AGO3: variants seen among roughly 807,000 people sequenced by gnomAD.
AGO3 encodes protein argonaute-3.
Under a neutral mutation model 105.5 loss-of-function variants are expected in AGO3, and 16 were observed. That is an observed-to-expected ratio of 0.15 (90% CI 0.10 to 0.23). AGO3 has a LOEUF of 0.23. Ranked by LOEUF, AGO3 falls within the 10% of genes least tolerant of loss-of-function variation. The pLI, the probability that AGO3 is intolerant of heterozygous loss-of-function variation, is 1.00. For synonymous variants in AGO3, 340 were observed against 367.3 expected, an observed-to-expected ratio of 0.93 and a Z score of 0.85; for missense variants, 534 against 1,088.0, an observed-to-expected ratio of 0.49 and a Z score of 7.16.
intron 14 of AGO3, among the ~76,000 whole-genome samples, chr1:36,037,597 TAAATC>T (rs1642067654): frequency 6.6e-6 from 1 of 152,228 alleles, no homozygotes; most frequent in South Asian, 2.1e-4. Flanking sequence ...ATGAATCTGA[TAAATC>T]TAATTCATCC....
rs1212590203 is a variant in AGO3, at chr1:36,057,480, C to A, written c.*1735C>A. 1 of 151,894 alleles carries A rather than the reference C, an allele frequency of 6.6e-6. No individual in the cohort carries two copies. Among genetic ancestry groups the A allele is most frequent in the African/African-American group, 2.4e-5 (1 of 41,344 alleles). 9.4% of individuals were successfully genotyped at this position (151,894 alleles called of 1,614,324 possible). ...GCAGCATCTTTTATAGAAATATAAT[C>A]ATGTTTATTTTAAGAACTGACAACT... On this transcript the variant is annotated 3_prime_UTR_variant, in exon 19 of 19. Transcript: ENST00000373191.
intron 1 of AGO3, among the ~76,000 whole-genome samples, chr1:35,940,946 A>G (rs72661628): frequency 0.051 from 7,787 of 152,168 alleles, 269 homozygotes; most frequent in South Asian, 0.083. Context: ...TCTCTAATCC[A>G]GTGGTTTTAA....
intron 1 of AGO3, among the ~76,000 whole-genome samples, chr1:35,944,477 T>C (rs1251429834): frequency 6.6e-6 from 1 of 152,084 alleles, no homozygotes; most frequent in Non-Finnish European, 1.5e-5. Flanking sequence ...ACTTCTGTTA[T>C]TAGTTAAGCC....
In AGO3 at chr1:35,931,145, G is replaced by C. The variant is rs901806239; in HGVS notation, c.-282G>C. On this transcript the variant is annotated 5_prime_UTR_variant, in exon 1 of 19. Transcript: ENST00000373191. ...GCCCGCAGTCGTGGAGGAGCGGTGG[G>C]AGCGTCGGCGGCCGCGGGCGATGCA... The C allele has an allele frequency of 1.2e-4, 49 of 397,742 alleles. No homozygotes were observed. The highest frequency in any genetic ancestry group is 9.9e-4 in the African/African-American group (48 of 48,468). 24.6% of individuals were successfully genotyped at this position (397,742 alleles called of 1,614,324 possible).
At chr1:35,936,454 C>T (rs1316721309) in intron 1 of AGO3, among the ~76,000 whole-genome samples, 1 of 152,092 alleles carries the variant, frequency 6.6e-6, no homozygotes, top group Non-Finnish European at 1.5e-5. Context: ...GTTTTGCTCT[C>T]GTCGCCCAGG....
At position 35,938,471 on chromosome 1, in the gene AGO3, G is replaced by A. The variant is rs75826102; in HGVS notation, c.19+7026G>A. On this transcript the variant is annotated intron_variant, in intron 1 of 18. Coordinates refer to ENST00000373191, the MANE Select transcript of AGO3 (RefSeq NM_024852.4). ...CCGTCTGTCCATATATTTATCATACGAATTGTTTCTAACCTTCTTTTTCCA... is the reference window on the plus strand; with the variant it reads ...CCGTCTGTCCATATATTTATCATACAAATTGTTTCTAACCTTCTTTTTCCA... Among the ~76,000 whole-genome samples, 528 of 152,132 alleles carry A rather than the reference G, an allele frequency of 3.5e-3. 2 individuals carry two copies. Among genetic ancestry groups the A allele is most frequent in the Non-Finnish European group, 4.5e-3 (304 of 67,984 alleles).
At chr1:35,988,242 A>G (rs1189334763) in intron 5 of AGO3, among the ~76,000 whole-genome samples, 2 of 152,200 alleles carry the variant, frequency 1.3e-5, no homozygotes, top group African/African-American at 4.8e-5. Flanking sequence ...ATGCATTGTG[A>G]AATGATTACC....
At chr1:35,936,837 G>A (rs1367135634) in intron 1 of AGO3, among the ~76,000 whole-genome samples, 1 of 152,112 alleles carries the variant, frequency 6.6e-6, no homozygotes, top group African/African-American at 2.4e-5. Context: ...CTCCCAAAAT[G>A]CTGGGATTGC....
rs1643127284 is a variant in AGO3, at chr1:36,068,849, T to A, written c.*13104T>A. On this transcript the variant is annotated 3_prime_UTR_variant, in exon 19 of 19. Coordinates refer to ENST00000373191, the MANE Select transcript of AGO3 (RefSeq NM_024852.4). ...TCCCAGTTCCTAGTCAAGCGTGGGCTATAAGAGAGAAGGCTTAAGGTGTTC... is the reference window on the plus strand; with the variant it reads ...TCCCAGTTCCTAGTCAAGCGTGGGCAATAAGAGAGAAGGCTTAAGGTGTTC... 6.6e-6 allele frequency: 1 copy of A among 152,246 alleles called. No homozygotes were observed. The highest frequency in any genetic ancestry group is 1.5e-5 in the Non-Finnish European group (1 of 68,038). 9.4% of individuals were successfully genotyped at this position (152,246 alleles called of 1,614,324 possible). A position where few individuals can be genotyped will look rare whatever the true frequency, so the allele number is the denominator to read the frequency against.
chr1:35,967,160 C>CAT, intron 3 of AGO3, 85 bp downstream of exon 3: 2 of 1,415,866 alleles, frequency 1.4e-6, no homozygotes, highest in Non-Finnish European at 1.9e-6. Flanking sequence ...TATTACAGTC[C>CAT]ATATATATGT....
At chr1:35,997,842 G>T (rs911319977) in intron 5 of AGO3, among the ~76,000 whole-genome samples, 1 of 152,036 alleles carries the variant, frequency 6.6e-6, no homozygotes, top group East Asian at 1.9e-4. Context: ...GATTATACGC[G>T]CCTGCCACCA....
chr1:35,993,738 CTTTTTT>C (rs141978570), intron 5 of AGO3, among the ~76,000 whole-genome samples: 5 of 90,780 alleles, frequency 5.5e-5, no homozygotes, highest in African/African-American at 1.0e-4. Context: ...CCACCCCCTG[CTTTTTT>C]TTTTTTTTTT....
chr1:36,052,892 G>T (rs1399612953), intron 17 of AGO3, among the ~76,000 whole-genome samples: 1 of 152,046 alleles, frequency 6.6e-6, no homozygotes, highest in East Asian at 1.9e-4. Flanking sequence ...GGTGCCTGTA[G>T]TCCCAGCTAC....
In AGO3 at chr1:36,033,330, C is replaced by G. The variant is rs1641865766; in HGVS notation, c.1592-844C>G. Among the ~76,000 whole-genome samples the G allele has an allele frequency of 2.0e-5, 3 of 149,606 alleles. 1 individual carries two copies. Among genetic ancestry groups the G allele is most frequent in the Admixed American group, 2.0e-4 (3 of 15,052 alleles). ...CTACCCTGGGTGACAGAATGTGACT[C>G]CATCTCAAAAAAAAAAAAAGAAGTT... is the stretch of plus-strand genomic sequence containing the variant. On this transcript the variant is annotated intron_variant, in intron 12 of 18. Coordinates refer to ENST00000373191, the MANE Select transcript of AGO3 (RefSeq NM_024852.4).
chr1:35,952,886 T>G (rs1003169753), intron 2 of AGO3, among the ~76,000 whole-genome samples: 7 of 152,236 alleles, frequency 4.6e-5, no homozygotes, highest in Non-Finnish European at 8.8e-5. Context: ...TGCATAACTG[T>G]ACTTTATTCC....
intron 17 of AGO3, among the ~76,000 whole-genome samples, chr1:36,046,425 C>G (rs1642472072): frequency 6.6e-6 from 1 of 151,998 alleles, no homozygotes; most frequent in Admixed American, 6.6e-5. Flanking sequence ...GGTGCGGTGG[C>G]TCACACCTGT....
chr1:35,994,431 A>T (rs1300452651), intron 5 of AGO3, among the ~76,000 whole-genome samples: 1 of 152,226 alleles, frequency 6.6e-6, no homozygotes, highest in East Asian at 1.9e-4. Flanking sequence ...AGGCATCATC[A>T]TACTTCTGTG....
At chr1:35,933,684 C>T (rs1173228529) in intron 1 of AGO3, among the ~76,000 whole-genome samples, 1 of 131,564 alleles carries the variant, frequency 7.6e-6, no homozygotes, top group Non-Finnish European at 1.6e-5. Context: ...CATCATTTGA[C>T]ACGTATTTTG....
chr1:35,958,198 T>C (rs1250639778), intron 2 of AGO3, among the ~76,000 whole-genome samples: 3 of 151,986 alleles, frequency 2.0e-5, no homozygotes, highest in Admixed American at 2.0e-4. Context: ...CTGGCCAACA[T>C]GGTGAAATCC....
Sources: gnomAD v4.1 joint callset for allele counts (sites outside exome capture counted in the v4.1 genomes callset) on GRCh38, gnomAD v4.1.1 for gene constraint, MANE v1.5 for transcripts, NCBI Gene and HGNC (gene_info 2026-07-23, HGNC 2026-07-21) for gene names.